Variants in EDEM3 observed in about 807,000 individuals in gnomAD.
EDEM3 encodes the protein ER degradation-enhancing alpha-mannosidase-like protein 3.
EDEM3 carries 60 observed loss-of-function variants against 110.2 expected under a neutral mutation model. The observed-to-expected ratio is 0.54, with a 90% CI of 0.44 to 0.67. EDEM3 has a LOEUF of 0.67. EDEM3 is among the 30% of genes least tolerant of loss of function. The pLI is 0.00. For synonymous variants in EDEM3, 352 were observed against 382.9 expected (o/e 0.92, Z 0.94); for missense variants, 996 against 1,121.0 (o/e 0.89, Z 1.59).
In EDEM3 at chr1:184,706,688, C is replaced by A; in HGVS notation, c.2158G>T (p.Ala720Ser). ...GCTCCAGCATTCTGGATGTTGCGTG[C>A]CTTTTCTGCAAACATGCACTGTCCT... The part of the protein sequence containing the change: ...QRGQCMFAEK[A>S]RNIQNAGAIG... Residue 720 changes from alanine to serine, a missense_variant, in exon 18 of 20, where the codon GCA (alanine) becomes TCA (serine). Ala to Ser is a moderately conservative substitution (Grantham distance 99). Around this residue, in one of 5 missense-constraint regions of EDEM3, gnomAD observed 345 missense variants for 402.0 expected, o/e 0.86. Transcript: ENST00000318130. 6.2e-7 allele frequency: 1 copy of A among 1,613,538 alleles called. No individual in the cohort carries two copies. Among genetic ancestry groups the A allele is most frequent in the Non-Finnish European group, 8.5e-7 (1 of 1,179,624 alleles).
Position 184,694,162 on chromosome 1 carries a change from A to G in EDEM3, c.2700T>C (p.Asn900=), listed in dbSNP as rs1288230210. ...GCTGGACCTTTTTACCCCAGCTAAC[A>G]TTAGGATTGGAATCTTCCTCAGTTT... ...QSETEEDSNP[N]VSWGKKVQPI... Residue 900 remains asparagine (N), a synonymous_variant, in exon 20 of 20, where the codon AAT becomes AAC. Coordinates refer to ENST00000318130, the MANE Select transcript of EDEM3 (RefSeq NM_025191.4). 2 of 1,613,300 alleles carry G rather than the reference A, an allele frequency of 1.2e-6. No individual in the cohort carries two copies. Among genetic ancestry groups the G allele is most frequent in the Non-Finnish European group, 8.5e-7 (1 of 1,179,642 alleles).
In EDEM3 at chr1:184,694,184, G is replaced by A. The variant is rs1052146593; in HGVS notation, c.2678C>T (p.Thr893Ile). The change falls in exon 20 of 20, where the codon ACT (threonine) becomes ATT (isoleucine). Residue 893 changes from threonine (T) to isoleucine (I), a missense_variant. Coordinates refer to ENST00000318130, the MANE Select transcript of EDEM3 (RefSeq NM_025191.4). ...AACATTAGGATTGGAATCTTCCTCA[G>A]TTTCTGATTGTTCTTGAAGCTGGTT... ...LDNQLQEQSE[T>I]EEDSNPNVSW... 1 of 1,613,252 alleles carries A rather than the reference G, an allele frequency of 6.2e-7. No homozygotes were observed. The highest frequency in any genetic ancestry group is 1.3e-5 in the African/African-American group (1 of 74,846).
In EDEM3 at chr1:184,708,997, A is replaced by G. The variant is rs557267360; in HGVS notation, c.1846-653T>C. On this transcript the variant is annotated intron_variant, in intron 16 of 19. Coordinates refer to ENST00000318130, the MANE Select transcript of EDEM3 (RefSeq NM_025191.4). ...AAGAATGACTATAATAGAAAAAAAT[A>G]AGATGATTCCTGATACTTTACAGGA... is the stretch of plus-strand genomic sequence containing the variant. Among the ~76,000 whole-genome samples, 4 of 152,302 alleles carry G rather than the reference A, an allele frequency of 2.6e-5. No homozygotes were observed. In the East Asian group the frequency reaches 7.7e-4, roughly 29 times the overall value.
In EDEM3 at chr1:184,734,625, C is replaced by T. The variant is rs762382335; in HGVS notation, c.364G>A (p.Glu122Lys). 3 of 1,488,856 alleles carry T rather than the reference C, an allele frequency of 2.0e-6. No homozygotes were observed. Among genetic ancestry groups the T allele is most frequent in the Admixed American group, 2.0e-5 (1 of 51,246 alleles). The allele number at this position is 1,488,856 out of a possible 1,614,324, so 92.2% of individuals were successfully genotyped here. A position where few individuals can be genotyped will look rare whatever the true frequency, so the allele number is the denominator to read the frequency against. Residue 122 changes from glutamate to lysine, a missense_variant, in exon 5 of 20, where the codon GAA (glutamate) becomes AAA (lysine). Coordinates refer to ENST00000318130, the MANE Select transcript of EDEM3 (RefSeq NM_025191.4). The part of the protein sequence containing the change: ...DTLVVLNKTK[E>K]FEDAVRKVLR... ...ACTTTTCTCACTGCATCTTCAAATT[C>T]TTTAGTTTTATTTAAAACCTGGGAG...
intron 19 of EDEM3, among the ~76,000 whole-genome samples, chr1:184,699,428 C>A (rs915725334): frequency 2.0e-5 from 3 of 151,616 alleles, no homozygotes; most frequent in Non-Finnish European, 4.4e-5. Context: ...GAAGAGATGG[C>A]GCAAATGTGA....
chr1:184,733,512 A>C (rs1327534284), intron 5 of EDEM3, among the ~76,000 whole-genome samples: 3 of 152,196 alleles, frequency 2.0e-5, no homozygotes, highest in Non-Finnish European at 4.4e-5. Context: ...AACTTGAACT[A>C]ATAAATCCTG....
At chr1:184,726,206 A>G in intron 7 of EDEM3, 49 bp downstream of exon 7, 1 of 1,586,700 alleles carries the variant, frequency 6.3e-7, no homozygotes. Flanking sequence ...GAAGATATAA[A>G]GGTAGTTATG....
chr1:184,748,168 C>T (rs1030076152), intron 2 of EDEM3, among the ~76,000 whole-genome samples: 2 of 152,054 alleles, frequency 1.3e-5, no homozygotes, highest in African/African-American at 2.4e-5. Context: ...AAAAACAGAA[C>T]GGGTGTAATG....
At chr1:184,722,347 G>A (rs925964105) in intron 8 of EDEM3, among the ~76,000 whole-genome samples, 2 of 151,980 alleles carry the variant, frequency 1.3e-5, no homozygotes, top group Non-Finnish European at 2.9e-5. Context: ...GCTGAAGTAT[G>A]ATATGGTAAC....
intron 13 of EDEM3, among the ~76,000 whole-genome samples, chr1:184,712,968 A>T (rs1398280629): frequency 6.6e-6 from 1 of 152,252 alleles, no homozygotes; most frequent in Non-Finnish European, 1.5e-5. Context: ...ATTAAATTAG[A>T]GAGCTGGAAA....
At chr1:184,703,536 C>T (rs967098947) in intron 18 of EDEM3, among the ~76,000 whole-genome samples, 5 of 152,116 alleles carry the variant, frequency 3.3e-5, no homozygotes, top group African/African-American at 1.2e-4. Context: ...GTGCTTCTTC[C>T]TCTATAAGCT....
chr1:184,749,548 A>C lies in EDEM3; in HGVS notation c.203T>G (p.Met68Arg). 2 of 1,577,414 alleles carry C rather than the reference A, an allele frequency of 1.3e-6. No individual in the cohort carries two copies. The highest frequency in any genetic ancestry group is 1.7e-6 in the Non-Finnish European group (2 of 1,160,308). ...EMFDHAYGNY[M>R]EHAYPADELM... The stretch of plus-strand genomic sequence containing the variant: ...GGTAAAGATAAGCTTCCTACTTACC[A>C]TATAGTTACCATAAGCATGATCAAA... Residue 68 changes from methionine to arginine, a missense_variant and splice_region_variant, in exon 2 of 20, where the codon ATG becomes AGG. Transcript: ENST00000318130.
chr1:184,754,495 TTC>T lies in EDEM3; in HGVS notation c.150_151del (p.Lys51AlafsTer10). ...AGGCTGCCAGCACCCTTACCCAAGC[TTC>T]TGTTTCTCCTCCCTACTCATGGGCT... is the stretch of plus-strand genomic sequence containing the variant. On this transcript the variant is annotated frameshift_variant, in exon 1 of 20. Coordinates refer to ENST00000318130, the MANE Select transcript of EDEM3 (RefSeq NM_025191.4). LOFTEE classifies it high-confidence loss of function. 1.2e-6 allele frequency: 2 copies of T among 1,611,442 alleles called. No homozygotes were observed. The highest frequency in any genetic ancestry group is 8.5e-7 in the Non-Finnish European group (1 of 1,179,404).
intron 2 of EDEM3, among the ~76,000 whole-genome samples, chr1:184,741,038 T>C (rs993732021): frequency 2.6e-5 from 4 of 152,186 alleles, no homozygotes; most frequent in African/African-American, 4.8e-5. Flanking sequence ...ACTGAAGTTA[T>C]ACAATGAGAA....
At chr1:184,717,156 G>GA (rs1199750652) in intron 12 of EDEM3, 144 bp from the exon 13 acceptor site, 2 of 576,996 alleles carry the variant, frequency 3.5e-6, no homozygotes, top group African/African-American at 2.0e-5. Flanking sequence ...ACTGAGTTCT[G>GA]AAAAAAAGCT....
At chr1:184,747,858 T>C (rs1239714500) in intron 2 of EDEM3, among the ~76,000 whole-genome samples, 1 of 152,266 alleles carries the variant, frequency 6.6e-6, no homozygotes, top group African/African-American at 2.4e-5. Context: ...ATATAACTGT[T>C]CTACCTAAAA....
chr1:184,719,188 T>C lies in EDEM3; in HGVS notation c.1135A>G (p.Ile379Val), dbSNP rs1650732388. 6 of 1,570,928 alleles carry C rather than the reference T, an allele frequency of 3.8e-6. No individual in the cohort carries two copies. The highest frequency in any genetic ancestry group is 4.3e-6 in the Non-Finnish European group (5 of 1,163,390). ...TCTGGTAGAAAATTGTGTTTTTTAA[T>C]CACCTGATATAACATTTCATGAGTT... Reference protein sequence around the residue: ...IETHEMLYQVIKKHNFLPEAF... With the variant: ...IETHEMLYQVVKKHNFLPEAF... Residue 379 changes from isoleucine (I) to valine (V), a missense_variant, in exon 11 of 20, where the codon ATT (isoleucine) becomes GTT (valine). By Grantham distance (29) the Ile-to-Val change is conservative (BLOSUM62 3). Around this residue, in one of 5 missense-constraint regions of EDEM3, gnomAD observed 310 missense variants for 394.6 expected, o/e 0.79. Transcript: ENST00000318130.
Position 184,754,615 on chromosome 1 carries a change from G to A in EDEM3, c.32C>T (p.Ser11Phe), listed in dbSNP as rs755484875. The A allele has an allele frequency of 1.2e-6, 2 of 1,604,340 alleles. No individual in the cohort carries two copies. Among genetic ancestry groups the A allele is most frequent in the South Asian group, 2.2e-5 (2 of 90,278 alleles). MSEAGGRGCG[S>F]PVPQRARWRL... Reference sequence around the variant, plus strand: ...CCATCGCGCTCGCTGGGGAACCGGGGACCCACAGCCCCGGCCGCCGGCTTC... The same window carrying A: ...CCATCGCGCTCGCTGGGGAACCGGGAACCCACAGCCCCGGCCGCCGGCTTC... Residue 11 changes from serine (S) to phenylalanine (F), a missense_variant, in exon 1 of 20, where the codon TCC (serine) becomes TTC (phenylalanine). Transcript: ENST00000318130.
At chr1:184,738,636 C>G (rs1431910422) in intron 2 of EDEM3, among the ~76,000 whole-genome samples, 1 of 152,204 alleles carries the variant, frequency 6.6e-6, no homozygotes, top group Non-Finnish European at 1.5e-5. Flanking sequence ...TACATTCTCA[C>G]TAACATAGGA....
Sources: gnomAD v4.1 joint callset for allele counts (sites outside exome capture counted in the v4.1 genomes callset) on GRCh38, gnomAD v4.1.1 for gene constraint, gnomAD v4.1.1 regional missense constraint, MANE v1.5 for transcripts, NCBI Gene and HGNC (gene_info 2026-07-23, HGNC 2026-07-21) for gene names.